The following GDF1 variants were observed in gnomAD, a reference collection of about 807,000 sequenced individuals.
The protein encoded by GDF1 is embryonic growth/differentiation factor 1.
GDF1 carries 8 observed loss-of-function variants against 7.4 expected under a neutral mutation model. The observed-to-expected ratio is 1.09, with a 90% confidence interval of 0.64 to 1.96. GDF1 has a LOEUF of 1.96. Ranked by LOEUF, GDF1 falls within the 30% of genes most tolerant of loss-of-function variation. The pLI, the probability that GDF1 is intolerant of heterozygous loss-of-function variation, is 0.00. For missense variants in GDF1, 574 were observed against 551.5 expected (o/e 1.04, Z -0.41); for synonymous variants, 311 against 276.7 (o/e 1.12, Z -1.23).
At position 18,895,933 on chromosome 19, in the gene GDF1, C is replaced by G. The variant is rs1199456812; in HGVS notation, c.-1183G>C. 3.3e-6 allele frequency: 4 copies of G among 1,199,246 alleles called. No homozygotes were observed. Among genetic ancestry groups the G allele is most frequent in the Non-Finnish European group, 2.1e-6 (2 of 965,002 alleles). The allele number at this position is 1,199,246 out of a possible 1,614,324, so 74.3% of individuals were successfully genotyped here. A position where few individuals can be genotyped will look rare whatever the true frequency, so the allele number is the denominator to read the frequency against. On this transcript the variant is annotated 5_prime_UTR_variant, in exon 1 of 8. Coordinates refer to ENST00000247005, the MANE Select transcript of GDF1 (RefSeq NM_001492.6). The surrounding 1 kb of genome is among the most constrained non-coding windows in gnomAD (Gnocchi z 6.4). ...CAGGTGCGCGTGCTCAGCCAGGCCG[C>G]GACGCGCCAGCCCCCAGCCGCAGTC...
chr19:18,872,946 G>A (rs2056001269), intron 6 of GDF1, among the ~76,000 whole-genome samples: 1 of 152,216 alleles, frequency 6.6e-6, no homozygotes, highest in Non-Finnish European at 1.5e-5. Flanking sequence ...CACCATGCCG[G>A]GCCGAGATGG....
chr19:18,879,546 G>C (rs1446473477), intron 4 of GDF1, among the ~76,000 whole-genome samples, 158 bp from the exon 5 acceptor site: 2 of 144,702 alleles, frequency 1.4e-5, no homozygotes, highest in African/African-American at 5.2e-5. Context: ...CCCCTCCCCT[G>C]CCATGCCCCG....
chr19:18,895,709 C>A lies in GDF1; in HGVS notation c.-1074+115G>T, dbSNP rs931498397. The A allele has an allele frequency of 4.1e-6, 2 of 485,238 alleles. No individual in the cohort carries two copies. Among genetic ancestry groups the A allele is most frequent in the Non-Finnish European group, 5.9e-6 (2 of 340,180 alleles). 30.1% of individuals were successfully genotyped at this position (485,238 alleles called of 1,614,324 possible). On this transcript the variant is annotated intron_variant, in intron 1 of 7. Transcript: ENST00000247005. The surrounding 1 kb of genome is among the most constrained non-coding windows in gnomAD (Gnocchi z 6.4). ...GGCCCCCACCCACGTTCCGGCGACC[C>A]CTTCATCCGCAGCAGCCAGCGCTGG... is the stretch of plus-strand genomic sequence containing the variant.
chr19:18,885,510 C>CTTTT (rs1568302620), intron 2 of GDF1, among the ~76,000 whole-genome samples: 1 of 29,506 alleles, frequency 3.4e-5, no homozygotes, highest in African/African-American at 1.1e-4. Context: ...CGCCCCTTCT[C>CTTTT]GTTTTTTTTT....
chr19:18,868,730 G>A lies in GDF1; in HGVS notation c.986C>T (p.Pro329Leu). Residue 329 changes from proline to leucine, a missense_variant, in exon 8 of 8, where the codon CCG becomes CTG. Transcript: ENST00000247005. The part of the protein sequence containing the change: ...VLRALMHAAA[P>L]GAADLPCCVP... ...GCAGCAGGGCAGGTCGGCGGCTCCCGGGGCGGCCGCGTGCATGAGCGCGCG... is the reference window on the plus strand; with the variant it reads ...GCAGCAGGGCAGGTCGGCGGCTCCCAGGGCGGCCGCGTGCATGAGCGCGCG... 2.0e-6 allele frequency: 3 copies of A among 1,534,784 alleles called. No individual in the cohort carries two copies. Among genetic ancestry groups the A allele is most frequent in the South Asian group, 1.2e-5 (1 of 83,872 alleles).
chr19:18,877,959 G>A (rs1234267829), intron 6 of GDF1: 7 of 983,896 alleles, frequency 7.1e-6, no homozygotes, highest in Admixed American at 6.2e-5. Context: ...CACCCAAGGC[G>A]AATCTGATGG....
At chr19:18,873,934 A>G (rs1172117886) in intron 6 of GDF1, among the ~76,000 whole-genome samples, 1 of 151,014 alleles carries the variant, frequency 6.6e-6, no homozygotes, top group Non-Finnish European at 1.5e-5. Context: ...GGTCTTCGGG[A>G]TGGGGGGAGG....
chr19:18,874,503 G>A (rs572995644), intron 6 of GDF1, among the ~76,000 whole-genome samples: 85 of 152,316 alleles, frequency 5.6e-4, no homozygotes, highest in African/African-American at 2.0e-3. Flanking sequence ...GCAGTGGCAG[G>A]TGCAGCAGAG....
Position 18,868,720 on chromosome 19 carries a change from G to A in GDF1, c.996C>T (p.Ala332=). 9 of 1,542,010 alleles carry A rather than the reference G, an allele frequency of 5.8e-6. No homozygotes were observed. Among genetic ancestry groups the A allele is most frequent in the Non-Finnish European group, 7.9e-6 (9 of 1,141,572 alleles). Residue 332 remains alanine (A), a synonymous_variant, in exon 8 of 8, where the codon GCC becomes GCT. Transcript: ENST00000247005. ...GCGCGGGCACGCAGCAGGGCAGGTC[G>A]GCGGCTCCCGGGGCGGCCGCGTGCA... ...ALMHAAAPGA[A]DLPCCVPARL...
chr19:18,884,709 C>CTTTTTTTTTTTTTTTTT (rs36074874), intron 2 of GDF1, among the ~76,000 whole-genome samples: 1 of 69,128 alleles, frequency 1.4e-5, no homozygotes, highest in Non-Finnish European at 2.5e-5. Context: ...GCCCAGCCGT[C>CTTTTTTTTTTTTTTTTT]TTTTTTTTTT....
chr19:18,879,566 C>A (rs1439460123), intron 4 of GDF1, among the ~76,000 whole-genome samples, 178 bp from the exon 5 acceptor site: 12 of 151,096 alleles, frequency 7.9e-5, no homozygotes, highest in Non-Finnish European at 1.5e-4. Flanking sequence ...GCCCACCTCG[C>A]CAAGGCCCCA....
chr19:18,885,506 T>G, intron 2 of GDF1, among the ~76,000 whole-genome samples: 2 of 95,700 alleles, frequency 2.1e-5, no homozygotes, highest in Non-Finnish European at 2.2e-5. Context: ...CCAGCGCCCC[T>G]TCTCGTTTTT....
rs1390285963 is a variant in GDF1 at position 18,885,551 on chromosome 19, G to C, written c.-913-1284C>G. On this transcript the variant is annotated intron_variant, in intron 2 of 7. Transcript: ENST00000247005. ...TTTTTTTTTTTTGAGATGGAGTCTTGCTCTGTAGCCCAGGCTGGAGTGCAG... is the reference window on the plus strand; with the variant it reads ...TTTTTTTTTTTTGAGATGGAGTCTTCCTCTGTAGCCCAGGCTGGAGTGCAG... Among the ~76,000 whole-genome samples, 4 of 130,184 alleles carry C rather than the reference G, an allele frequency of 3.1e-5. No individual in the cohort carries two copies. The Admixed American group carries it at 3.5e-4, about 11-fold the overall frequency. 85.4% of individuals were successfully genotyped at this position (130,184 alleles called of 152,430 possible).
intron 2 of GDF1, among the ~76,000 whole-genome samples, chr19:18,885,084 C>G (rs1225993835): frequency 6.6e-6 from 1 of 152,116 alleles, no homozygotes; most frequent in African/African-American, 2.4e-5. Flanking sequence ...ACAGAAAGTT[C>G]CTTTCTTTCT....
chr19:18,877,890 T>C (rs4808868), intron 6 of GDF1: 781,200 of 885,144 alleles, frequency 0.88, 345,383 homozygotes, highest in Admixed American at 0.9. Flanking sequence ...TCTCAGTCAA[T>C]ACCAGCTCGA....
chr19:18,884,150 G>A lies in GDF1; in HGVS notation c.-796C>T, dbSNP rs555889038. On this transcript the variant is annotated 5_prime_UTR_variant, in exon 3 of 8. Transcript: ENST00000247005. ...CACGTGGTGGAGCAGCATGACCACCGAGTCCTTGCGCCAGGTGTCCATGTA... is the reference window on the plus strand; with the variant it reads ...CACGTGGTGGAGCAGCATGACCACCAAGTCCTTGCGCCAGGTGTCCATGTA... 1.1e-5 allele frequency: 17 copies of A among 1,613,758 alleles called. No homozygotes were observed. Among genetic ancestry groups the A allele is most frequent in the Middle Eastern group, 1.7e-4 (1 of 6,060 alleles).
At chr19:18,881,652 T>C (rs2056213127) in intron 3 of GDF1, 1 of 152,282 alleles carries the variant, frequency 6.6e-6, no homozygotes, top group South Asian at 2.1e-4. Flanking sequence ...TCCCTGTTCC[T>C]TGCTCTGTCT....
In GDF1 at chr19:18,896,043, C is replaced by T. The variant is rs1483695304; in HGVS notation, c.-1293G>A. The T allele has an allele frequency of 2.7e-5, 27 of 988,574 alleles. No homozygotes were observed. Among genetic ancestry groups the T allele is most frequent in the East Asian group, 1.1e-4 (1 of 9,008 alleles). 61.2% of individuals were successfully genotyped at this position (988,574 alleles called of 1,614,324 possible). A position where few individuals can be genotyped will look rare whatever the true frequency, so the allele number is the denominator to read the frequency against. ...AGCTCGGCATGGGCTCGGGCCCCGT[C>T]GGCCCCGCCGCGGGCCCCGCCGCCG... On this transcript the variant is annotated 5_prime_UTR_variant, in exon 1 of 8. Coordinates refer to ENST00000247005, the MANE Select transcript of GDF1 (RefSeq NM_001492.6). The surrounding 1 kb of genome is among the most constrained non-coding windows in gnomAD (Gnocchi z 5.9).
In GDF1 at chr19:18,870,375, C is replaced by T; in HGVS notation, c.-68G>A. ...CGGCCCGGGACCAGTGGGCTGAGGGCGGGGCCGGTGTCCCCGGAGGGGCAG... is the reference window on the plus strand; with the variant it reads ...CGGCCCGGGACCAGTGGGCTGAGGGTGGGGCCGGTGTCCCCGGAGGGGCAG... On this transcript the variant is annotated 5_prime_UTR_variant, in exon 7 of 8. Coordinates refer to ENST00000247005, the MANE Select transcript of GDF1 (RefSeq NM_001492.6). The surrounding 1 kb of genome is among the most constrained non-coding windows in gnomAD (Gnocchi z 5.1). The T allele has an allele frequency of 1.3e-6, 2 of 1,491,100 alleles. No individual in the cohort carries two copies. The highest frequency in any genetic ancestry group is 9.0e-7 in the Non-Finnish European group (1 of 1,116,496). 92.4% of individuals were successfully genotyped at this position (1,491,100 alleles called of 1,614,324 possible).
Sources: gnomAD v4.1 joint callset for allele counts (sites outside exome capture counted in the v4.1 genomes callset) on GRCh38, gnomAD v4.1.1 for gene constraint, Gnocchi (gnomAD v3.1) non-coding constraint, MANE v1.5 for transcripts, NCBI Gene and HGNC (gene_info 2026-07-23, HGNC 2026-07-21) for gene names.